MICAL2: variants seen among roughly 807,000 people sequenced by gnomAD.
MICAL2 encodes the protein [F-actin]-monooxygenase MICAL2.
A neutral mutation model predicts 127.3 loss-of-function variants in MICAL2; 77 were observed. That is an observed-to-expected ratio of 0.60 (90% CI 0.50 to 0.73). MICAL2 has a LOEUF of 0.73. Among genes scored for constraint, MICAL2 ranks in the 30% least tolerant of loss-of-function variants. The pLI, the probability that MICAL2 is intolerant of heterozygous loss-of-function variation, is 0.00. For missense variants in MICAL2, 1,351 were observed against 1,434.4 expected, an observed-to-expected ratio of 0.94 and a Z score of 0.94; for synonymous variants, 570 against 551.1, an observed-to-expected ratio of 1.03 and a Z score of -0.48.
chr11:12,332,871 G>A (rs12283471), intron 32 of MICAL2, among the ~76,000 whole-genome samples: 13,996 of 152,226 alleles, frequency 0.092, 875 homozygotes, highest in South Asian at 0.22. Flanking sequence ...GAATGGCTAA[G>A]GTTCAGAGGA....
At chr11:12,245,114 G>C (rs1008307419) in intron 21 of MICAL2, among the ~76,000 whole-genome samples, 1 of 152,158 alleles carries the variant, frequency 6.6e-6, no homozygotes, top group Non-Finnish European at 1.5e-5. Context: ...GGGTGGGAGA[G>C]GGTCTGTCTT....
At chr11:12,324,127 T>C (rs1864330545) in intron 31 of MICAL2, 2 of 1,571,000 alleles carry the variant, frequency 1.3e-6, no homozygotes, top group Admixed American at 2.0e-5. Context: ...CCTGGGACTC[T>C]GGATGGGAAA....
chr11:12,207,076 T>C (rs1376254812), intron 4 of MICAL2, among the ~76,000 whole-genome samples: 1 of 152,096 alleles, frequency 6.6e-6, no homozygotes, highest in East Asian at 1.9e-4. Context: ...CTCCAAAAGC[T>C]CCCAAACCCC....
intron 8 of MICAL2, among the ~76,000 whole-genome samples, chr11:12,217,632 G>A (rs1476801946): frequency 6.6e-6 from 1 of 152,146 alleles, no homozygotes; most frequent in Non-Finnish European, 1.5e-5. Flanking sequence ...GGCAGGCAAA[G>A]CTTGATGGGT....
At chr11:12,224,494 A>G in intron 12 of MICAL2, 179 bp from the exon 13 acceptor site, 1 of 676,472 alleles carries the variant, frequency 1.5e-6, no homozygotes, top group South Asian at 2.0e-5. Context: ...ACTCCTGACC[A>G]GGCCCCCAAG....
chr11:12,212,591 T>G (rs1565172989), intron 6 of MICAL2, among the ~76,000 whole-genome samples: 2 of 151,840 alleles, frequency 1.3e-5, no homozygotes, highest in Admixed American at 1.3e-4. Flanking sequence ...TGTACTATTT[T>G]CCTCTTTTCA....
intron 32 of MICAL2, chr11:12,349,770 C>A (rs1939016472): frequency 6.7e-7 from 1 of 1,496,024 alleles, no homozygotes; most frequent in African/African-American, 1.4e-5. Flanking sequence ...GCTAAAGTGG[C>A]TCAAAGCAGT....
chr11:12,243,922 A>T, intron 20 of MICAL2, 65 bp from the exon 21 acceptor site: 1 of 1,580,314 alleles, frequency 6.3e-7, no homozygotes, highest in Admixed American at 1.7e-5. Context: ...TGCATGATTG[A>T]GGCATGTATC....
chr11:12,172,092 C>T (rs543994888), intron 3 of MICAL2, among the ~76,000 whole-genome samples: 10 of 152,258 alleles, frequency 6.6e-5, no homozygotes, highest in Admixed American at 2.0e-4. Flanking sequence ...TGCTTGTCAC[C>T]TTGTAGTCAC....
chr11:12,201,729 G>C (rs779234542), intron 3 of MICAL2, among the ~76,000 whole-genome samples: 3 of 152,190 alleles, frequency 2.0e-5, no homozygotes, highest in African/African-American at 7.2e-5. Flanking sequence ...ATTGAGGACC[G>C]AGCGTGGGAC....
At chr11:12,212,538 A>G (rs1855613691) in intron 6 of MICAL2, among the ~76,000 whole-genome samples, 1 of 151,886 alleles carries the variant, frequency 6.6e-6, no homozygotes, top group African/African-American at 2.4e-5. Context: ...ATTCATTTAT[A>G]CATGCATTGT....
intron 3 of MICAL2, among the ~76,000 whole-genome samples, chr11:12,172,547 C>T (rs1856396971): frequency 6.6e-6 from 1 of 152,132 alleles, no homozygotes; most frequent in African/African-American, 2.4e-5. Flanking sequence ...TGGGAGACAT[C>T]ATGGTTCTCA....
intron 32 of MICAL2, among the ~76,000 whole-genome samples, chr11:12,336,051 C>A (rs1258145397): frequency 6.6e-6 from 1 of 152,160 alleles, no homozygotes; most frequent in Non-Finnish European, 1.5e-5. Flanking sequence ...GGCAGTATGG[C>A]CATTCTCATG....
In MICAL2 at chr11:12,123,135, A is replaced by G. The variant is rs151092475; in HGVS notation, c.-149+12409A>G. ...AGAAAGAAAAAGAGCTGCCAATTAA[A>G]CTGTGGCACAATGCTTTGCCATTGC... On this transcript the variant is annotated intron_variant, in intron 1 of 27. Transcript: ENST00000683283. 3.4e-4 allele frequency among the ~76,000 whole-genome samples: 52 copies of G among 152,170 alleles called. No individual in the cohort carries two copies. The East Asian group carries it at 9.8e-3, about 29-fold the overall frequency.
intron 21 of MICAL2, among the ~76,000 whole-genome samples, chr11:12,247,628 T>C (rs1860936249): frequency 6.6e-6 from 1 of 152,216 alleles, no homozygotes; most frequent in Non-Finnish European, 1.5e-5. Context: ...GAAAGGATAT[T>C]GCCAGCCTCA....
downstream of MICAL2, among the ~76,000 whole-genome samples, chr11:12,289,233 C>T (rs1331323991): frequency 1.3e-5 from 2 of 152,372 alleles, no homozygotes; most frequent in Middle Eastern, 3.4e-3. Flanking sequence ...CAGCCTCCTT[C>T]GCACAAAACA....
chr11:12,315,043 A>T (rs1238459182), intron 29 of MICAL2, among the ~76,000 whole-genome samples: 1 of 152,054 alleles, frequency 6.6e-6, no homozygotes. Context: ...TCTGCTGAGG[A>T]TAATTCTGCC....
chr11:12,336,161 C>T (rs12279215), intron 32 of MICAL2, among the ~76,000 whole-genome samples: 12,418 of 152,064 alleles, frequency 0.082, 786 homozygotes, highest in African/African-American at 0.17. Context: ...CTTGAAGAGG[C>T]CCTTCACATC....
chr11:12,354,781 C>T, intron 33 of MICAL2: 1 of 1,613,738 alleles, frequency 6.2e-7, no homozygotes, highest in Non-Finnish European at 8.5e-7. Context: ...TTTTCTCACC[C>T]AGGGCCCAGG....
Sources: allele counts gnomAD v4.1 joint callset (sites outside exome capture counted in the v4.1 genomes callset), GRCh38; gene constraint gnomAD v4.1.1; transcripts MANE v1.5; gene names NCBI Gene and HGNC (gene_info 2026-07-23, HGNC 2026-07-21).